Variants in ZNF330 observed in about 807,000 individuals in gnomAD.
The protein encoded by ZNF330 is nucleolar atypical zinc finger.
In ZNF330, 31 loss-of-function variants were observed where a neutral mutation model predicts 45.5. The ratio of observed to expected loss-of-function variants is 0.68; its 90% CI spans 0.51 to 0.92. The LOEUF (loss-of-function observed/expected upper bound fraction) is 0.92, where lower values mean the gene tolerates loss of function less well. Ranked by LOEUF, ZNF330 falls within the 40% of genes least tolerant of loss-of-function variation. The pLI, the probability that ZNF330 is intolerant of heterozygous loss-of-function variation, is 0.00. For synonymous variants in ZNF330, 138 were observed against 123.2 expected (o/e 1.12, Z -0.79); for missense variants, 356 against 387.4 (o/e 0.92, Z 0.68).
chr4:141,223,839 G>A (rs1728741297), intron 2 of ZNF330: 1 of 454,790 alleles, frequency 2.2e-6, no homozygotes, highest in East Asian at 6.9e-5. Context: ...ATTTTCACCA[G>A]AACTTTCAAC....
chr4:141,222,540 A>G (rs751589482), intron 2 of ZNF330, 49 bp downstream of exon 2: 6 of 1,584,774 alleles, frequency 3.8e-6, no homozygotes, highest in Non-Finnish European at 4.3e-6. Flanking sequence ...ACTATATACT[A>G]TTTTATCTGA....
In ZNF330 at chr4:141,231,446, A is replaced by C; in HGVS notation, c.531A>C (p.Ser177=). 1 of 1,597,838 alleles carries C rather than the reference A, an allele frequency of 6.3e-7. No individual in the cohort carries two copies. Among genetic ancestry groups the C allele is most frequent in the Non-Finnish European group, 8.5e-7 (1 of 1,174,238 alleles). ...VLEAETFKCV[S]CNRLGQHSCL... is the part of the protein sequence containing the mutation. ...TTAATCTATTTCCCACAGGTGTTTC[A>C]TGCAATCGGCTTGGTCAGCACTCAT... The change falls in exon 8 of 10, where the codon TCA becomes TCC. Residue 177 remains serine, a synonymous_variant. Coordinates refer to ENST00000262990, the MANE Select transcript of ZNF330 (RefSeq NM_014487.6).
intron 2 of ZNF330, 184 bp downstream of exon 2, chr4:141,222,675 A>G: frequency 1.9e-6 from 1 of 526,148 alleles, no homozygotes; most frequent in Non-Finnish European, 3.3e-6. Flanking sequence ...ATTTTATATT[A>G]TTATAAAACC....
chr4:141,229,781 T>C, intron 6 of ZNF330, 84 bp downstream of exon 6: 1 of 1,541,676 alleles, frequency 6.5e-7, no homozygotes, highest in East Asian at 2.2e-5. Context: ...TTGAGATTTT[T>C]TTCAGGATAC....
At chr4:141,229,219 T>G (rs1399467134) in intron 5 of ZNF330, among the ~76,000 whole-genome samples, 1 of 142,706 alleles carries the variant, frequency 7.0e-6, no homozygotes, top group Non-Finnish European at 1.5e-5. Flanking sequence ...CAAGAAAGCT[T>G]AAGCTGTTGG....
At chr4:141,225,490 C>CCT (rs386401701) in intron 4 of ZNF330, among the ~76,000 whole-genome samples, 8 of 66,512 alleles carry the variant, frequency 1.2e-4, no homozygotes, top group African/African-American at 1.1e-3. Flanking sequence ...AGATTTACAT[C>CCT]CCCCCCCAAC....
chr4:141,223,882 G>C (rs991881943), intron 2 of ZNF330: 13 of 445,018 alleles, frequency 2.9e-5, no homozygotes, highest in South Asian at 2.1e-4. Flanking sequence ...AAAAGTGTTC[G>C]AATAAGTAAA....
chr4:141,229,017 A>G (rs1215291167), intron 5 of ZNF330, among the ~76,000 whole-genome samples: 1 of 152,032 alleles, frequency 6.6e-6, no homozygotes, highest in Non-Finnish European at 1.5e-5. Context: ...TTTTACTTCA[A>G]ATTTTTTCCA....
chr4:141,231,649 T>G (rs1286000643), intron 8 of ZNF330, among the ~76,000 whole-genome samples, 164 bp downstream of exon 8: 5 of 152,118 alleles, frequency 3.3e-5, no homozygotes, highest in African/African-American at 1.2e-4. Flanking sequence ...TGAGAAAGCT[T>G]ACATGACTTT....
At chr4:141,230,134 T>A (rs755349157) in intron 6 of ZNF330, 32 bp from the exon 7 acceptor site, 25 of 1,452,570 alleles carry the variant, frequency 1.7e-5, no homozygotes, top group Non-Finnish European at 2.4e-5. Context: ...AAAGTTTATC[T>A]TAATTACATT....
upstream of ZNF330, chr4:141,220,804 G>A (rs1728651586): frequency 6.6e-6 from 1 of 152,288 alleles, no homozygotes; most frequent in Non-Finnish European, 1.5e-5. Context: ...GCTTAGGAAT[G>A]GGGCATTGGC....
intron 7 of ZNF330, among the ~76,000 whole-genome samples, chr4:141,230,828 TGAG>T (rs1404262048): frequency 6.6e-6 from 1 of 152,148 alleles, no homozygotes; most frequent in Non-Finnish European, 1.5e-5. Context: ...ATTTTCCAGT[TGAG>T]AGCCAGCATT....
chr4:141,233,823 G>C lies in ZNF330; in HGVS notation c.797G>C (p.Ser266Thr). The C allele has an allele frequency of 1.9e-6, 3 of 1,613,764 alleles. No individual in the cohort carries two copies. The South Asian group carries it at 3.3e-5, about 18-fold the overall frequency. ...TCATCTGATAAGTATGGTGATACCA[G>C]CTACCACGATGAGGAGGAGGATGAG... is the stretch of plus-strand genomic sequence containing the variant. The part of the protein sequence containing the change: ...NLSSDKYGDT[S>T]YHDEEEDEYE... The change falls in exon 10 of 10, where the codon AGC becomes ACC. Residue 266 changes from serine (S) to threonine (T), a missense_variant. By Grantham distance (58) the Ser-to-Thr change is moderately conservative (BLOSUM62 1). Coordinates refer to ENST00000262990, the MANE Select transcript of ZNF330 (RefSeq NM_014487.6).
intron 4 of ZNF330, 121 bp downstream of exon 4, chr4:141,224,798 A>G (rs1335978368): frequency 2.6e-6 from 2 of 774,612 alleles, no homozygotes; most frequent in Admixed American, 2.6e-5. Context: ...ATTATGCCTT[A>G]CCATTAACAA....
chr4:141,224,134 T>C, intron 2 of ZNF330: 1 of 322,674 alleles, frequency 3.1e-6, no homozygotes, highest in Non-Finnish European at 5.8e-6. Flanking sequence ...TGGAATAATA[T>C]GTGCTTAACG....
In ZNF330 at chr4:141,234,309, ATATAT is replaced by A; in HGVS notation, c.*322_*326del. On this transcript the variant is annotated 3_prime_UTR_variant, in exon 10 of 10. Transcript: ENST00000262990. The stretch of plus-strand genomic sequence containing the variant: ...TACAAGATAAAGGAATAGGATGGTA[ATATAT>A]TTGTTTGAAATTAAATTACTGTTTT... 1 of 198,730 alleles carries A rather than the reference ATATAT, an allele frequency of 5.0e-6. No homozygotes were observed. The highest frequency in any genetic ancestry group is 1.0e-5 in the Non-Finnish European group (1 of 100,440). The allele number at this position is 198,730 out of a possible 1,614,324, so 12.3% of individuals were successfully genotyped here.
intron 9 of ZNF330, among the ~76,000 whole-genome samples, chr4:141,233,160 T>A (rs1578815259): frequency 6.6e-6 from 1 of 152,104 alleles, no homozygotes; most frequent in African/African-American, 2.4e-5. Flanking sequence ...GCAATTTTGT[T>A]AAAGAGAAGT....
At chr4:141,233,564 A>G in intron 9 of ZNF330, 151 bp from the exon 10 acceptor site, 1 of 1,298,502 alleles carries the variant, frequency 7.7e-7, no homozygotes, top group Non-Finnish European at 1.0e-6. Context: ...GGTGTTGTAT[A>G]TAGACTCAGG....
intron 9 of ZNF330, among the ~76,000 whole-genome samples, chr4:141,233,107 CT>C (rs915019717): frequency 1.3e-5 from 2 of 151,984 alleles, no homozygotes; most frequent in African/African-American, 4.8e-5. Context: ...TTTTATGTAA[CT>C]TTTTTTGTGA....
Sources: allele counts gnomAD v4.1 joint callset (sites outside exome capture counted in the v4.1 genomes callset), GRCh38; gene constraint gnomAD v4.1.1; transcripts MANE v1.5; gene names NCBI Gene and HGNC (gene_info 2026-07-23, HGNC 2026-07-21).